NAALADL2: variants seen among roughly 807,000 people sequenced by gnomAD.
NAALADL2 encodes inactive N-acetylated-alpha-linked acidic dipeptidase-like protein 2.
Under a neutral mutation model 87.2 loss-of-function variants are expected in NAALADL2, and 76 were observed. The ratio of observed to expected loss-of-function variants is 0.87; its 90% CI spans 0.72 to 1.05. NAALADL2 has a LOEUF of 1.05. Among genes scored for constraint, NAALADL2 ranks in the 50% least tolerant of loss-of-function variants. The pLI, the probability that NAALADL2 is intolerant of heterozygous loss-of-function variation, is 0.00. For missense variants in NAALADL2, 1,089 were observed against 945.8 expected, an observed-to-expected ratio of 1.15 and a Z score of -1.99; for synonymous variants, 354 against 331.0, an observed-to-expected ratio of 1.07 and a Z score of -0.75.
intron 1 of NAALADL2, among the ~76,000 whole-genome samples, chr3:175,007,434 T>C (rs1176904398): frequency 6.6e-6 from 1 of 151,960 alleles, no homozygotes; most frequent in Non-Finnish European, 1.5e-5. Context: ...GGGAGTAGAG[T>C]TGGGAAGATA....
chr3:174,567,410 T>A (rs1306909616), intron 2 of NAALADL2, among the ~76,000 whole-genome samples: 1 of 151,532 alleles, frequency 6.6e-6, no homozygotes, highest in African/African-American at 2.4e-5. Context: ...TTCAATATAA[T>A]TTTTTTCAAT....
chr3:175,471,581 T>G, intron 8 of NAALADL2, 58 bp from the exon 9 acceptor site: 4 of 971,440 alleles, frequency 4.1e-6, no homozygotes, highest in South Asian at 1.5e-5. Context: ...ATCTAACTAA[T>G]AAAGTAGAAT....
chr3:175,453,866 G>T (rs1024834818), intron 6 of NAALADL2, among the ~76,000 whole-genome samples: 4 of 152,078 alleles, frequency 2.6e-5, no homozygotes, highest in South Asian at 4.1e-4. Flanking sequence ...TTCCCTTGTA[G>T]TTAGTCAATT....
chr3:175,589,478 T>C (rs530070752), intron 10 of NAALADL2, among the ~76,000 whole-genome samples: 1 of 152,144 alleles, frequency 6.6e-6, no homozygotes, highest in Non-Finnish European at 1.5e-5. Flanking sequence ...TGTTTCTTCT[T>C]TTTTAAATTT....
chr3:174,472,919 A>G (rs1716992193), intron 1 of NAALADL2, among the ~76,000 whole-genome samples: 1 of 152,108 alleles, frequency 6.6e-6, no homozygotes. Context: ...ATTACGTTCA[A>G]TGAGTAGGAG....
At chr3:174,543,109 A>G (rs565024016) in intron 1 of NAALADL2, among the ~76,000 whole-genome samples, 8 of 152,190 alleles carry the variant, frequency 5.3e-5, no homozygotes, top group Non-Finnish European at 1.0e-4. Context: ...TGACTTGAGC[A>G]GAGGATTTGT....
chr3:175,511,224 A>G (rs975639134), intron 9 of NAALADL2, among the ~76,000 whole-genome samples: 12 of 152,316 alleles, frequency 7.9e-5, no homozygotes, highest in African/African-American at 2.2e-4. Context: ...CTTGTGAGAG[A>G]CTAAGAGCCA....
intron 1 of NAALADL2, among the ~76,000 whole-genome samples, chr3:174,862,466 C>G (rs1167235031): frequency 6.6e-6 from 1 of 152,028 alleles, no homozygotes; most frequent in African/African-American, 2.4e-5. Context: ...TTTCCTACTT[C>G]TCCCAGGATT....
chr3:174,786,554 A>G (rs1257604387), intron 3 of NAALADL2, among the ~76,000 whole-genome samples: 2 of 152,010 alleles, frequency 1.3e-5, no homozygotes, highest in East Asian at 1.9e-4. Flanking sequence ...TCTGTTCTAT[A>G]TTTCTTTTCC....
intron 1 of NAALADL2, among the ~76,000 whole-genome samples, chr3:174,978,906 C>T (rs192070638): frequency 6.6e-6 from 1 of 151,994 alleles, no homozygotes; most frequent in East Asian, 1.9e-4. Flanking sequence ...TTTTAAAAAG[C>T]AATATTAACC....
At chr3:175,291,916 T>C (rs1277594408) in intron 4 of NAALADL2, among the ~76,000 whole-genome samples, 1 of 152,216 alleles carries the variant, frequency 6.6e-6, no homozygotes, top group Non-Finnish European at 1.5e-5. Context: ...GAATATATAC[T>C]AATAATGGTT....
chr3:174,855,992 A>G (rs549682868), upstream of NAALADL2, among the ~76,000 whole-genome samples: 3,683 of 149,898 alleles, frequency 0.025, 196 homozygotes, highest in African/African-American at 0.087. Context: ...ATATATATAT[A>G]TATATATATA....
At chr3:174,659,024 A>G (rs1560124110) in intron 2 of NAALADL2, among the ~76,000 whole-genome samples, 1 of 152,134 alleles carries the variant, frequency 6.6e-6, no homozygotes, top group Non-Finnish European at 1.5e-5. Context: ...ACTTTAGTGT[A>G]TACAGTTATT....
At chr3:174,837,050 GA>G (rs1310941919) in intron 3 of NAALADL2, among the ~76,000 whole-genome samples, 1 of 152,052 alleles carries the variant, frequency 6.6e-6, no homozygotes, top group Non-Finnish European at 1.5e-5. Context: ...TAAAAAATCT[GA>G]AAGAACACAG....
At chr3:174,811,605 T>G (rs1373471087) in intron 3 of NAALADL2, among the ~76,000 whole-genome samples, 1 of 152,178 alleles carries the variant, frequency 6.6e-6, no homozygotes, top group Non-Finnish European at 1.5e-5. Context: ...GTTTTTTATT[T>G]TATGAGCTCA....
intron 3 of NAALADL2, among the ~76,000 whole-genome samples, chr3:174,815,830 G>GTTTTTTTT (rs10589968): frequency 2.7e-4 from 31 of 115,190 alleles, no homozygotes; most frequent in Admixed American, 4.2e-4. Context: ...TTTGACTTTA[G>GTTTTTTTT]TTTTTTTTTT....
intron 2 of NAALADL2, among the ~76,000 whole-genome samples, chr3:175,218,685 C>A (rs1386961959): frequency 1.3e-5 from 2 of 151,898 alleles, no homozygotes; most frequent in Admixed American, 6.6e-5. Flanking sequence ...TTTATTTTGT[C>A]TGAATTCTTT....
intron 1 of NAALADL2, among the ~76,000 whole-genome samples, chr3:174,949,838 G>C (rs955843554): frequency 1.3e-5 from 2 of 152,200 alleles, no homozygotes; most frequent in African/African-American, 4.8e-5. Context: ...TGGAGCAAGA[G>C]TAATACTAAT....
chr3:174,580,051 T>C (rs1715986599), intron 2 of NAALADL2, among the ~76,000 whole-genome samples: 1 of 152,084 alleles, frequency 6.6e-6, no homozygotes, highest in South Asian at 2.1e-4. Context: ...TATTGGACTT[T>C]TAAAATTTGC....
Sources: gnomAD v4.1 joint callset for allele counts (sites outside exome capture counted in the v4.1 genomes callset) on GRCh38, gnomAD v4.1.1 for gene constraint, MANE v1.5 for transcripts, NCBI Gene and HGNC (gene_info 2026-07-23, HGNC 2026-07-21) for gene names.